RSPO2: variants seen among roughly 807,000 people sequenced by gnomAD.
The protein encoded by RSPO2 is R-spondin 2.
A neutral mutation model predicts 30.9 loss-of-function variants in RSPO2; 14 were observed. That is an observed-to-expected ratio of 0.45 (90% confidence interval 0.30 to 0.71). RSPO2 has a LOEUF of 0.71. Ranked by LOEUF, RSPO2 falls within the 30% of genes least tolerant of loss-of-function variation. The pLI is 0.08. For synonymous variants in RSPO2, 107 were observed against 96.4 expected, an observed-to-expected ratio of 1.11 and a Z score of -0.64; for missense variants, 264 against 301.9, an observed-to-expected ratio of 0.87 and a Z score of 0.93.
intron 2 of RSPO2, among the ~76,000 whole-genome samples, chr8:108,003,703 C>T (rs1302067074): frequency 6.6e-6 from 1 of 151,956 alleles, no homozygotes; most frequent in Non-Finnish European, 1.5e-5. Context: ...GGGGAACATG[C>T]TACAGGACAG....
intron 5 of RSPO2, among the ~76,000 whole-genome samples, chr8:107,942,427 AATTTCAGCAAGCTT>A (rs1812931033): frequency 6.6e-6 from 1 of 152,222 alleles, no homozygotes; most frequent in Admixed American, 6.5e-5. Context: ...CATTATATAA[AATTTCAGCAAGCTT>A]AATTTCTTCT....
At chr8:107,989,368 A>C in intron 2 of RSPO2, 124 bp from the exon 3 acceptor site, 1 of 616,148 alleles carries the variant, frequency 1.6e-6, no homozygotes, top group Non-Finnish European at 2.6e-6. Context: ...TACTAAATAA[A>C]ATATCCCTCC....
chr8:107,910,273 A>T (rs1173154268), intron 5 of RSPO2, among the ~76,000 whole-genome samples: 1 of 152,230 alleles, frequency 6.6e-6, no homozygotes, highest in Admixed American at 6.5e-5. Flanking sequence ...GACATTTAAG[A>T]CCATTGTCAT....
At chr8:108,077,522 C>G (rs1408741904) in intron 2 of RSPO2, among the ~76,000 whole-genome samples, 1 of 152,012 alleles carries the variant, frequency 6.6e-6, no homozygotes, top group Admixed American at 6.6e-5. Context: ...ATCTTTTCAT[C>G]TTGTCGAAGA....
At chr8:107,920,851 A>T (rs1185227508) in intron 5 of RSPO2, among the ~76,000 whole-genome samples, 2 of 152,158 alleles carry the variant, frequency 1.3e-5, no homozygotes, top group African/African-American at 4.8e-5. Flanking sequence ...ATTAAGTGCA[A>T]GAAGTTAAAA....
At chr8:108,065,658 A>T (rs1812642775) in intron 2 of RSPO2, among the ~76,000 whole-genome samples, 1 of 130,670 alleles carries the variant, frequency 7.7e-6, no homozygotes, top group South Asian at 2.5e-4. Flanking sequence ...AGCAGAAGGA[A>T]TAAAAAAAAA....
intron 2 of RSPO2, among the ~76,000 whole-genome samples, chr8:108,071,199 C>T (rs866659381): frequency 7.2e-5 from 11 of 152,270 alleles, no homozygotes; most frequent in Middle Eastern, 3.4e-3. Context: ...TTACACTAAA[C>T]TTATGATTTG....
intron 5 of RSPO2, among the ~76,000 whole-genome samples, chr8:107,928,105 A>T (rs1365290751): frequency 1.3e-5 from 2 of 152,150 alleles, no homozygotes; most frequent in Non-Finnish European, 2.9e-5. Context: ...AGTATTTTAG[A>T]GACCCATGAG....
intron 2 of RSPO2, chr8:108,081,731 C>G (rs977818722): frequency 2.6e-5 from 5 of 188,884 alleles, no homozygotes; most frequent in Non-Finnish European, 4.9e-5. Flanking sequence ...TTCTCCGCTA[C>G]GCACAAGTGA....
chr8:108,002,612 T>C (rs1586617772), intron 2 of RSPO2, among the ~76,000 whole-genome samples: 1 of 152,206 alleles, frequency 6.6e-6, no homozygotes, highest in South Asian at 2.1e-4. Flanking sequence ...AGAAACTAGT[T>C]GGTCACTCCT....
intron 2 of RSPO2, among the ~76,000 whole-genome samples, chr8:108,022,669 T>C (rs1281073225): frequency 6.6e-6 from 1 of 152,156 alleles, no homozygotes; most frequent in Non-Finnish European, 1.5e-5. Flanking sequence ...CTCATGCCTG[T>C]AATCTCAGCA....
At chr8:108,049,197 T>C (rs1039684100) in intron 2 of RSPO2, among the ~76,000 whole-genome samples, 4 of 151,874 alleles carry the variant, frequency 2.6e-5, no homozygotes, top group African/African-American at 9.7e-5. Flanking sequence ...CGTATACCTA[T>C]GTATCAAACC....
At chr8:108,028,406 G>A (rs1811293356) in intron 2 of RSPO2, among the ~76,000 whole-genome samples, 1 of 152,060 alleles carries the variant, frequency 6.6e-6, no homozygotes, top group Non-Finnish European at 1.5e-5. Flanking sequence ...CCCTTCTACT[G>A]CTTGCTCTAC....
At chr8:108,071,903 T>C (rs1357489045) in intron 2 of RSPO2, among the ~76,000 whole-genome samples, 1 of 152,104 alleles carries the variant, frequency 6.6e-6, no homozygotes, top group Non-Finnish European at 1.5e-5. Flanking sequence ...TATGGTAACA[T>C]GGGAGCTGCA....
chr8:108,044,548 C>T (rs750029872), intron 2 of RSPO2, among the ~76,000 whole-genome samples: 1 of 152,006 alleles, frequency 6.6e-6, no homozygotes, highest in Admixed American at 6.6e-5. Flanking sequence ...TATTTTATTC[C>T]TTTTTATGGC....
At chr8:108,032,963 T>A (rs1346388017) in intron 2 of RSPO2, among the ~76,000 whole-genome samples, 1 of 135,052 alleles carries the variant, frequency 7.4e-6, no homozygotes, top group East Asian at 2.2e-4. Context: ...GGCAGGAGAA[T>A]GGCATGAACC....
chr8:108,056,112 A>G (rs1057103760), intron 2 of RSPO2, among the ~76,000 whole-genome samples: 1 of 152,170 alleles, frequency 6.6e-6, no homozygotes, highest in Non-Finnish European at 1.5e-5. Context: ...GCCTGCAGAG[A>G]TTATGTATTA....
At chr8:107,949,811 C>T (rs1021372265) in intron 5 of RSPO2, among the ~76,000 whole-genome samples, 1 of 152,160 alleles carries the variant, frequency 6.6e-6, no homozygotes, top group Non-Finnish European at 1.5e-5. Flanking sequence ...AAAGCCTAAC[C>T]TTCACCATTA....
rs185417284 is a variant in RSPO2 at position 108,044,286 on chromosome 8, T to C, written c.94+38259A>G. ...AGGGGATACACACGCAGGTTTGTTA[T>C]ATGCATATATTGTATGATGCTGATG... On this transcript the variant is annotated intron_variant, in intron 2 of 5. Transcript: ENST00000276659. Among the ~76,000 whole-genome samples the C allele has an allele frequency of 3.9e-5, 6 of 152,270 alleles. No individual in the cohort carries two copies. The East Asian group carries it at 7.7e-4, about 20-fold the overall frequency.
Sources: allele counts gnomAD v4.1 joint callset (sites outside exome capture counted in the v4.1 genomes callset), GRCh38; gene constraint gnomAD v4.1.1; transcripts MANE v1.5; gene names NCBI Gene and HGNC (gene_info 2026-07-23, HGNC 2026-07-21).